The following UNKL variants were observed in gnomAD, a reference collection of about 807,000 sequenced individuals.
The protein encoded by UNKL is unk like zinc finger, also known as putative E3 ubiquitin-protein ligase UNKL.
In UNKL, 60 loss-of-function variants were observed where a neutral mutation model predicts 78.0. The observed-to-expected ratio is 0.77, with a 90% confidence interval of 0.63 to 0.95. The LOEUF is 0.95. Among genes scored for constraint, UNKL ranks in the 40% least tolerant of loss-of-function variants. The pLI, the probability that UNKL is intolerant of heterozygous loss-of-function variation, is 0.00. For missense variants in UNKL, 1,159 were observed against 1,045.7 expected, an observed-to-expected ratio of 1.11 and a Z score of -1.49; for synonymous variants, 608 against 474.8, an observed-to-expected ratio of 1.28 and a Z score of -3.65.
Position 1,399,129 on chromosome 16 carries a change from G to A in UNKL, c.734+245C>T. Reference sequence around the variant, plus strand: ...GCTCCGTCCCCTTGCCTGGCAGAGGGGCCCCGGTAGGGGACTGCATGGGAG... The same window carrying A: ...GCTCCGTCCCCTTGCCTGGCAGAGGAGCCCCGGTAGGGGACTGCATGGGAG... On this transcript the variant is annotated intron_variant, in intron 5 of 14. Transcript: ENST00000389221. The surrounding 1 kb of genome is among the most constrained non-coding windows in gnomAD (Gnocchi z 5.8). 8.6e-7 allele frequency: 1 copy of A among 1,168,856 alleles called. No homozygotes were observed. The highest frequency in any genetic ancestry group is 1.2e-6 in the Non-Finnish European group (1 of 860,578). 72.4% of individuals were successfully genotyped at this position (1,168,856 alleles called of 1,614,324 possible). A position where few individuals can be genotyped will look rare whatever the true frequency, so the allele number is the denominator to read the frequency against.
intron 9 of UNKL, among the ~76,000 whole-genome samples, chr16:1,386,025 G>C (rs1018171119): frequency 3.3e-5 from 5 of 152,248 alleles, no homozygotes; most frequent in Non-Finnish European, 7.3e-5. Flanking sequence ...CAGTAACGGG[G>C]AGGGTGCTGC....
In UNKL at chr16:1,397,237, C is replaced by G; in HGVS notation, c.793G>C (p.Asp265His). ...CAATACTGGCAGCCGTCGCCGCCAT[C>G]GCAGCGTGAGGGTTCCCCCCACTCA... ...GDEWGEPSRC[D>H]GGDGCQYCHS... Residue 265 changes from aspartate to histidine, a missense_variant, in exon 6 of 15, where the codon GAT (aspartate) becomes CAT (histidine). Physicochemically the swap from Asp to His is moderately conservative, Grantham distance 81. Coordinates refer to ENST00000389221, the MANE Select transcript of UNKL (RefSeq NM_001372107.1). 1 of 1,544,132 alleles carries G rather than the reference C, an allele frequency of 6.5e-7. No individual in the cohort carries two copies. Among genetic ancestry groups the G allele is most frequent in the Non-Finnish European group, 8.7e-7 (1 of 1,146,920 alleles).
intron 10 of UNKL, among the ~76,000 whole-genome samples, 152 bp from the exon 11 acceptor site, chr16:1,371,763 C>G (rs1360767535): frequency 2.6e-5 from 4 of 152,170 alleles, no homozygotes; most frequent in African/African-American, 9.7e-5. Context: ...AAGGACACCC[C>G]CAGCCCGTCC....
In UNKL at chr16:1,364,002, CACT is replaced by C. The variant is rs2035038653; in HGVS notation, c.*2235_*2237del. 1 of 152,188 alleles carries C rather than the reference CACT, an allele frequency of 6.6e-6. No homozygotes were observed. Among genetic ancestry groups the C allele is most frequent in the African/African-American group, 2.4e-5 (1 of 41,436 alleles). The allele number at this position is 152,188 out of a possible 1,614,324, so 9.4% of individuals were successfully genotyped here. A position where few individuals can be genotyped will look rare whatever the true frequency, so the allele number is the denominator to read the frequency against. ...AGACTAGAGCTCAGCTGCTCCTGAC[CACT>C]GACAACCGGGAGATGTCTCGGCAGA... On this transcript the variant is annotated 3_prime_UTR_variant, in exon 15 of 15. Transcript: ENST00000389221.
At chr16:1,368,726 C>T (rs891481888) in intron 12 of UNKL, among the ~76,000 whole-genome samples, 1 of 147,230 alleles carries the variant, frequency 6.8e-6, no homozygotes, top group Non-Finnish European at 1.5e-5. Context: ...CATGGTGAAA[C>T]TCCATCTCTA....
chr16:1,401,081 GCCCC>G (rs2037503863), intron 4 of UNKL, among the ~76,000 whole-genome samples: 1 of 152,160 alleles, frequency 6.6e-6, no homozygotes, highest in African/African-American at 2.4e-5. Context: ...CCGAGGGACA[GCCCC>G]CTGGTCCATA....
At position 1,363,216 on chromosome 16, in the gene UNKL, G is replaced by A; in HGVS notation, c.*3024C>T. 1.2e-6 allele frequency: 1 copy of A among 803,380 alleles called. No individual in the cohort carries two copies. The highest frequency in any genetic ancestry group is 2.1e-6 in the Non-Finnish European group (1 of 478,546). 49.8% of individuals were successfully genotyped at this position (803,380 alleles called of 1,614,324 possible). On this transcript the variant is annotated 3_prime_UTR_variant, in exon 15 of 15. Transcript: ENST00000389221. The stretch of plus-strand genomic sequence containing the variant: ...GAAGCAGACAAAACAAAGATTCAAG[G>A]TTTTAATTAATTCCCATACTGATAA...
intron 11 of UNKL, 58 bp downstream of exon 11, chr16:1,371,461 C>T (rs913096424): frequency 7.9e-5 from 120 of 1,509,776 alleles, no homozygotes; most frequent in Non-Finnish European, 1.0e-4. Flanking sequence ...CCTCCGGCCA[C>T]AGCACTTGGC....
intron 10 of UNKL, among the ~76,000 whole-genome samples, chr16:1,381,474 G>C (rs1254068846): frequency 6.6e-6 from 1 of 152,108 alleles, no homozygotes; most frequent in Non-Finnish European, 1.5e-5. Flanking sequence ...ACAAAAATTA[G>C]CCGGGCATGA....
intron 5 of UNKL, chr16:1,398,247 A>G: frequency 2.1e-6 from 2 of 971,766 alleles, no homozygotes; most frequent in Non-Finnish European, 1.2e-6. Flanking sequence ...ACCGCACTCC[A>G]GCCTGGGCCA....
rs148650376 is a variant in UNKL, at chr16:1,367,709, C to G, written c.1735G>C (p.Glu579Gln). 1.7e-4 allele frequency: 269 copies of G among 1,581,548 alleles called. 1 individual carries two copies. In the African/African-American group the frequency reaches 2.8e-3, roughly 16 times the overall value. The change falls in exon 13 of 15, where the codon GAG becomes CAG. Residue 579 changes from glutamate to glutamine, a missense_variant. Transcript: ENST00000389221. ...ELARVRRQLDEAKRKIRQWEE... is the reference protein window; with the variant it reads ...ELARVRRQLDQAKRKIRQWEE... ...CACTGCCGGATCTTCCTCTTGGCCTCGTCCAGCTGCCGCCTGACCCGGGCC... is the reference window on the plus strand; with the variant it reads ...CACTGCCGGATCTTCCTCTTGGCCTGGTCCAGCTGCCGCCTGACCCGGGCC...
chr16:1,371,205 G>A (rs114947716), intron 11 of UNKL, among the ~76,000 whole-genome samples: 1,907 of 152,270 alleles, frequency 0.013, 21 homozygotes, highest in African/African-American at 0.022. Context: ...GTCTCTGCGC[G>A]GCCACTTTGC....
intron 6 of UNKL, among the ~76,000 whole-genome samples, chr16:1,396,071 A>G (rs1000873390): frequency 6.7e-6 from 1 of 150,338 alleles, no homozygotes. Flanking sequence ...GCCTCCAAGT[A>G]GCTGAGACTA....
intron 11 of UNKL, 109 bp downstream of exon 11, chr16:1,371,410 C>G: frequency 9.2e-7 from 1 of 1,081,560 alleles, no homozygotes. Flanking sequence ...GTGGTGCAAC[C>G]TCAGCTCACT....
At chr16:1,414,404 GA>G (rs1451459273) in intron 1 of UNKL, among the ~76,000 whole-genome samples, 1 of 151,996 alleles carries the variant, frequency 6.6e-6, no homozygotes, top group Non-Finnish European at 1.5e-5. Flanking sequence ...GAGGCGCGTG[GA>G]CCCCGGAACC....
intron 12 of UNKL, 107 bp from the exon 13 acceptor site, chr16:1,367,965 G>A (rs976400800): frequency 4.5e-5 from 46 of 1,020,562 alleles, no homozygotes; most frequent in Non-Finnish European, 6.1e-5. Context: ...CACCCTCTGG[G>A]GCTCACCTGC....
intron 10 of UNKL, among the ~76,000 whole-genome samples, chr16:1,374,992 A>T (rs1596672594): frequency 6.6e-6 from 1 of 152,006 alleles, no homozygotes; most frequent in African/African-American, 2.4e-5. Context: ...CCTGCACCTC[A>T]CCCCTCTGCC....
At chr16:1,408,562 GGAT>G (rs1308230236) in intron 2 of UNKL, 1 of 154,784 alleles carries the variant, frequency 6.5e-6, no homozygotes, top group Non-Finnish European at 1.5e-5. Context: ...GGGAGCCATA[GGAT>G]GAGGAAGAGA....
chr16:1,384,425 C>T (rs13330083), intron 10 of UNKL, among the ~76,000 whole-genome samples: 7,908 of 152,122 alleles, frequency 0.052, 389 homozygotes, highest in African/African-American at 0.13. Flanking sequence ...CCCCACGGGT[C>T]CCCACAGCCC....
Sources: allele counts gnomAD v4.1 joint callset (sites outside exome capture counted in the v4.1 genomes callset), GRCh38; gene constraint gnomAD v4.1.1; non-coding constraint Gnocchi (gnomAD v3.1); transcripts MANE v1.5; gene names NCBI Gene and HGNC (gene_info 2026-07-23, HGNC 2026-07-21).